NELL1: variants seen among roughly 807,000 people sequenced by gnomAD.
The protein encoded by NELL1 is protein kinase C-binding protein NELL1.
Under a neutral mutation model 107.4 loss-of-function variants are expected in NELL1, and 76 were observed. That is an observed-to-expected ratio of 0.71 (90% confidence interval 0.59 to 0.86). The LOEUF is 0.86. NELL1 is among the 40% of genes least tolerant of loss of function. The probability of loss-of-function intolerance (pLI) is 0.00; values close to 1 mark genes in which losing one functional copy is unlikely to be tolerated. For missense variants in NELL1, 1,024 were observed against 1,005.5 expected (o/e 1.02, Z -0.25); for synonymous variants, 353 against 341.2 (o/e 1.03, Z -0.38).
intron 2 of NELL1, among the ~76,000 whole-genome samples, chr11:20,692,672 C>G (rs1590209434): frequency 6.6e-6 from 1 of 151,842 alleles, no homozygotes. Context: ...AGTTTCTGTT[C>G]TTTTACATTT....
chr11:20,908,984 T>C (rs1179382920), intron 5 of NELL1, among the ~76,000 whole-genome samples: 1 of 152,186 alleles, frequency 6.6e-6, no homozygotes, highest in Non-Finnish European at 1.5e-5. Context: ...TCCAGTGGGA[T>C]ATTATTCATC....
At chr11:21,352,306 G>A (rs2133722435) in intron 14 of NELL1, among the ~76,000 whole-genome samples, 1 of 152,190 alleles carries the variant, frequency 6.6e-6, no homozygotes, top group Middle Eastern at 3.4e-3. Context: ...TCCACTAGAG[G>A]ATAAGTTGCA....
chr11:20,879,025 T>TATCTTACC lies in NELL1; in HGVS notation c.507-6418_507-6417insTCTTACCA, dbSNP rs1849359015. 2.0e-5 allele frequency among the ~76,000 whole-genome samples: 3 copies of TATCTTACC among 152,316 alleles called. No homozygotes were observed. In the South Asian group the frequency reaches 6.2e-4, roughly 32 times the overall value. ...CTAGTGCAGGAGATATCTAAGCAGG[T>TATCTTACC]ACAGGAATGCTGTGGTCAGTGTTCC... On this transcript the variant is annotated intron_variant, in intron 4 of 19. Coordinates refer to ENST00000357134, the MANE Select transcript of NELL1 (RefSeq NM_006157.5).
intron 3 of NELL1, among the ~76,000 whole-genome samples, chr11:20,808,801 CAA>C (rs775345005): frequency 8.5e-5 from 13 of 152,308 alleles, no homozygotes; most frequent in Non-Finnish European, 1.6e-4. Context: ...CAAAGTCCCA[CAA>C]TCATTGTACT....
intron 1 of NELL1, among the ~76,000 whole-genome samples, chr11:20,677,266 G>C (rs1217067967): frequency 6.6e-6 from 1 of 152,150 alleles, no homozygotes; most frequent in Non-Finnish European, 1.5e-5. Flanking sequence ...TAACACAGGT[G>C]ATTGTGACTG....
intron 15 of NELL1, among the ~76,000 whole-genome samples, chr11:21,460,151 T>C (rs2133870945): frequency 6.6e-6 from 1 of 152,012 alleles, no homozygotes; most frequent in East Asian, 1.9e-4. Flanking sequence ...TGGAAAGTAT[T>C]TGTAAAGAAG....
At chr11:20,846,923 G>C (rs1053374582) in intron 3 of NELL1, among the ~76,000 whole-genome samples, 1 of 152,178 alleles carries the variant, frequency 6.6e-6, no homozygotes, top group Admixed American at 6.5e-5. Flanking sequence ...GACCACAGTG[G>C]TAAGGCTAAG....
intron 5 of NELL1, among the ~76,000 whole-genome samples, chr11:20,888,330 T>C (rs913942879): frequency 6.6e-5 from 10 of 151,918 alleles, no homozygotes; most frequent in Non-Finnish European, 1.3e-4. Flanking sequence ...TGTGTGAATA[T>C]GTATGCATAT....
At chr11:20,759,152 C>G (rs187701180) in intron 2 of NELL1, among the ~76,000 whole-genome samples, 1 of 152,198 alleles carries the variant, frequency 6.6e-6, no homozygotes, top group Admixed American at 6.5e-5. Flanking sequence ...TTTCCTCTTG[C>G]TTTTATCTAA....
At chr11:21,330,281 C>T (rs775677437) in intron 14 of NELL1, among the ~76,000 whole-genome samples, 1 of 152,054 alleles carries the variant, frequency 6.6e-6, no homozygotes, top group South Asian at 2.1e-4. Context: ...TGCATTTATA[C>T]TGTCTTTAAA....
At chr11:21,500,650 C>T (rs1855114651) in intron 15 of NELL1, among the ~76,000 whole-genome samples, 1 of 152,068 alleles carries the variant, frequency 6.6e-6, no homozygotes, top group Non-Finnish European at 1.5e-5. Context: ...TCCAGGTTGT[C>T]TCTGTTATAA....
intron 15 of NELL1, among the ~76,000 whole-genome samples, chr11:21,496,687 C>T (rs1263900690): frequency 6.6e-6 from 1 of 152,130 alleles, no homozygotes; most frequent in Non-Finnish European, 1.5e-5. Flanking sequence ...GGGTTACAGG[C>T]GTGAGCCACA....
chr11:20,909,955 C>A (rs1478629456), intron 5 of NELL1, among the ~76,000 whole-genome samples: 9 of 152,152 alleles, frequency 5.9e-5, no homozygotes. Flanking sequence ...TATTGCTGCA[C>A]AACAAACCCC....
chr11:20,923,022 G>T (rs967646314), intron 7 of NELL1, among the ~76,000 whole-genome samples: 1 of 152,052 alleles, frequency 6.6e-6, no homozygotes, highest in Non-Finnish European at 1.5e-5. Flanking sequence ...TTAAGAAAAT[G>T]CACATCTTCC....
At chr11:20,944,846 T>C (rs1324314560) in intron 10 of NELL1, among the ~76,000 whole-genome samples, 1 of 152,208 alleles carries the variant, frequency 6.6e-6, no homozygotes, top group African/African-American at 2.4e-5. Context: ...ATGTTAAAGG[T>C]TGATTAGAAC....
chr11:20,829,643 G>T (rs749247637), intron 3 of NELL1, among the ~76,000 whole-genome samples: 5 of 151,858 alleles, frequency 3.3e-5, no homozygotes, highest in Non-Finnish European at 7.4e-5. Context: ...TCATTTAGTT[G>T]CTATTTCTTC....
chr11:21,501,068 C>A (rs1182981723), intron 15 of NELL1, among the ~76,000 whole-genome samples: 1 of 152,074 alleles, frequency 6.6e-6, no homozygotes. Context: ...AATATTATCA[C>A]ATAATAATAT....
intron 12 of NELL1, among the ~76,000 whole-genome samples, chr11:21,060,977 C>T (rs552200765): frequency 4.6e-5 from 7 of 152,284 alleles, no homozygotes; most frequent in African/African-American, 9.6e-5. Context: ...CCCCATGATC[C>T]GCCTGCCTCG....
chr11:21,471,241 G>GAA lies in NELL1; in HGVS notation c.1646-63125_1646-63124dup, dbSNP rs968824959. ...CTTTTCAGCAGTCTTTCTCTATTTGGAAAAAAAAATAGGCTTGGAAATAAA... is the reference window on the plus strand; with the variant it reads ...CTTTTCAGCAGTCTTTCTCTATTTGGAAAAAAAAAAATAGGCTTGGAAATAAA... On this transcript the variant is annotated intron_variant, in intron 15 of 19. Coordinates refer to ENST00000357134, the MANE Select transcript of NELL1 (RefSeq NM_006157.5). 6.0e-5 allele frequency among the ~76,000 whole-genome samples: 9 copies of GAA among 149,756 alleles called. No homozygotes were observed. The East Asian group carries it at 1.8e-3, about 29-fold the overall frequency.
Sources: allele counts gnomAD v4.1 joint callset (sites outside exome capture counted in the v4.1 genomes callset), GRCh38; gene constraint gnomAD v4.1.1; transcripts MANE v1.5; gene names NCBI Gene and HGNC (gene_info 2026-07-23, HGNC 2026-07-21).